CATSPERE: variants seen among roughly 807,000 people sequenced by gnomAD.
CATSPERE encodes catsper channel auxiliary subunit epsilon.
In CATSPERE, 93 loss-of-function variants were observed where a neutral mutation model predicts 114.1. The observed-to-expected ratio is 0.81, with a 90% confidence interval of 0.69 to 0.97. CATSPERE has a LOEUF of 0.97. Ranked by LOEUF, CATSPERE falls within the 50% of genes least tolerant of loss-of-function variation. The probability of loss-of-function intolerance (pLI) is 0.00; values close to 1 mark genes in which losing one functional copy is unlikely to be tolerated. For missense variants in CATSPERE, 1,058 were observed against 1,131.6 expected, an observed-to-expected ratio of 0.93 and a Z score of 0.93; for synonymous variants, 341 against 384.1, an observed-to-expected ratio of 0.89 and a Z score of 1.31.
chr1:244,457,100 TA>T (rs936104711), upstream of CATSPERE, among the ~76,000 whole-genome samples: 2 of 152,066 alleles, frequency 1.3e-5, no homozygotes, highest in African/African-American at 4.8e-5. Context: ...AGGGTGAATC[TA>T]AAAAAAATTC....
chr1:244,558,769 C>G (rs112708704), intron 9 of CATSPERE, among the ~76,000 whole-genome samples: 3 of 152,052 alleles, frequency 2.0e-5, no homozygotes, highest in Non-Finnish European at 1.5e-5. Context: ...ACTCCCCTCT[C>G]CTTCTCCTTC....
intron 8 of CATSPERE, among the ~76,000 whole-genome samples, chr1:244,528,581 A>G (rs1235548005): frequency 6.6e-6 from 1 of 152,086 alleles, no homozygotes; most frequent in Non-Finnish European, 1.5e-5. Context: ...ACAATGTATA[A>G]TAATCATATC....
chr1:244,603,090 T>C (rs1280093160), intron 17 of CATSPERE, among the ~76,000 whole-genome samples: 1 of 152,040 alleles, frequency 6.6e-6, no homozygotes, highest in African/African-American at 2.4e-5. Flanking sequence ...CTGGTTGTAG[T>C]GTGTCTGCCT....
intron 20 of CATSPERE, among the ~76,000 whole-genome samples, chr1:244,623,074 A>ATTTATTTATTTATTTATTT (rs1672612084): frequency 6.6e-6 from 1 of 150,968 alleles, no homozygotes; most frequent in Non-Finnish European, 1.5e-5. Flanking sequence ...TTATTTATTT[A>ATTTATTTATTTATTTATTT]TTTATTTATT....
Position 244,552,492 on chromosome 1 carries a change from G to A in CATSPERE, c.707G>A (p.Gly236Asp), listed in dbSNP as rs1572710281. The A allele has an allele frequency of 6.2e-6, 10 of 1,614,146 alleles. No homozygotes were observed. In the East Asian group the frequency reaches 2.0e-4, roughly 32 times the overall value. The change falls in exon 9 of 22, where the codon GGT becomes GAT. Residue 236 changes from glycine (G) to aspartate (D), a missense_variant. Physicochemically the swap from Gly to Asp is moderately conservative, Grantham distance 94 (BLOSUM62 -1). Around this residue, in one of 2 missense-constraint regions of CATSPERE, gnomAD observed 787 missense variants for 905.6 expected, o/e 0.87. Coordinates refer to ENST00000366534, the MANE Select transcript of CATSPERE (RefSeq NM_001130957.2). ...TATTTACCAATCTCCTCACCACGTG[G>A]TAGTCAATTAATGGCTTCCTGGGAT... ...PGYLPISSPR[G>D]SQLMASWDAC...
chr1:244,525,197 G>T (rs1010269610), intron 8 of CATSPERE, among the ~76,000 whole-genome samples: 2 of 150,742 alleles, frequency 1.3e-5, no homozygotes, highest in East Asian at 3.9e-4. Flanking sequence ...TAGGGACATG[G>T]ATGAAATTGG....
chr1:244,572,504 T>C lies in CATSPERE; in HGVS notation c.1682T>C (p.Ile561Thr), dbSNP rs1312868505. 1 of 1,614,108 alleles carries C rather than the reference T, an allele frequency of 6.2e-7. No individual in the cohort carries two copies. Among genetic ancestry groups the C allele is most frequent in the African/African-American group, 1.3e-5 (1 of 75,036 alleles). Residue 561 changes from isoleucine to threonine, a missense_variant, in exon 11 of 22, where the codon ATA becomes ACA. Around this residue, in one of 2 missense-constraint regions of CATSPERE, gnomAD observed 787 missense variants for 905.6 expected, o/e 0.87. Coordinates refer to ENST00000366534, the MANE Select transcript of CATSPERE (RefSeq NM_001130957.2). ...YFLYALDDGT[I>T]QIQDYPLHLE... ...CTGTATGCTTTGGATGATGGCACAA[T>C]ACAAATACAGGACTATCCCTTACAT...
At position 244,511,924 on chromosome 1, in the gene CATSPERE, C is replaced by T. The variant is rs147051689; in HGVS notation, c.430-6668C>T. Among the ~76,000 whole-genome samples, 7 of 152,234 alleles carry T rather than the reference C, an allele frequency of 4.6e-5. No homozygotes were observed. In the East Asian group the frequency reaches 1.4e-3, roughly 29 times the overall value. ...TCCACTGTTAATATGAGGAAGATTC[C>T]CTTACATGTGACTTGATGCTTTTCT... On this transcript the variant is annotated intron_variant, in intron 7 of 21. Coordinates refer to ENST00000366534, the MANE Select transcript of CATSPERE (RefSeq NM_001130957.2).
chr1:244,491,455 G>T (rs1672145548), intron 6 of CATSPERE, among the ~76,000 whole-genome samples: 2 of 151,650 alleles, frequency 1.3e-5, no homozygotes, highest in South Asian at 4.2e-4. Flanking sequence ...GTGTGTAGAG[G>T]GAAATTTATA....
intron 5 of CATSPERE, 56 bp from the exon 6 acceptor site, chr1:244,490,391 C>T (rs1233282997): frequency 6.0e-6 from 7 of 1,172,326 alleles, no homozygotes; most frequent in African/African-American, 3.1e-5. Context: ...GTAGAATATT[C>T]GACCTAATGT....
chr1:244,591,292 C>T (rs1481816251), intron 14 of CATSPERE, among the ~76,000 whole-genome samples: 2 of 152,124 alleles, frequency 1.3e-5, no homozygotes, highest in Non-Finnish European at 2.9e-5. Context: ...ACTCTCTTTG[C>T]GTTTTTCAAG....
At chr1:244,451,598 C>T (rs780890685), upstream of CATSPERE, 39 of 1,574,472 alleles carry the variant, frequency 2.5e-5, no homozygotes, top group South Asian at 4.5e-4. The surrounding 1 kb of genome is among the most constrained non-coding windows in gnomAD (Gnocchi z 6.6). Flanking sequence ...CCCGAGCTCC[C>T]GGGCCCGGCT....
intron 5 of CATSPERE, among the ~76,000 whole-genome samples, chr1:244,486,140 G>A (rs1670976233): frequency 6.6e-6 from 1 of 152,144 alleles, no homozygotes; most frequent in African/African-American, 2.4e-5. Context: ...AGAAAGCAGG[G>A]GGGAAATACT....
chr1:244,476,527 T>G (rs921116859), intron 2 of CATSPERE, among the ~76,000 whole-genome samples: 2 of 152,208 alleles, frequency 1.3e-5, no homozygotes, highest in African/African-American at 4.8e-5. Context: ...AATTTTTCTC[T>G]TTTTTCTTCT....
intron 5 of CATSPERE, among the ~76,000 whole-genome samples, chr1:244,482,545 TG>T (rs1310724669): frequency 6.6e-6 from 1 of 152,098 alleles, no homozygotes; most frequent in African/African-American, 2.4e-5. Context: ...AAAGCTACCG[TG>T]AGCTATGATT....
intron 20 of CATSPERE, among the ~76,000 whole-genome samples, chr1:244,621,681 T>C (rs1221284778): frequency 1.3e-5 from 2 of 151,970 alleles, no homozygotes; most frequent in Non-Finnish European, 2.9e-5. Context: ...ATACAAAATA[T>C]CTTAGCTTAA....
At chr1:244,612,255 G>A (rs1402567013) in intron 19 of CATSPERE, among the ~76,000 whole-genome samples, 2 of 152,102 alleles carry the variant, frequency 1.3e-5, no homozygotes, top group Admixed American at 6.5e-5. Context: ...TCATTATTAC[G>A]TTGTATCTTA....
intron 1 of CATSPERE, among the ~76,000 whole-genome samples, chr1:244,456,110 C>T (rs773230890): frequency 8.6e-6 from 1 of 116,208 alleles, no homozygotes; most frequent in Non-Finnish European, 1.6e-5. Flanking sequence ...AGATGAGAAT[C>T]CCATGGGGGA....
intron 20 of CATSPERE, among the ~76,000 whole-genome samples, chr1:244,624,014 T>C (rs1292414031): frequency 6.6e-6 from 1 of 151,830 alleles, no homozygotes. Flanking sequence ...CAGGCTGGAG[T>C]GCAGTGGCGC....
Sources: gnomAD v4.1 joint callset for allele counts (sites outside exome capture counted in the v4.1 genomes callset) on GRCh38, gnomAD v4.1.1 for gene constraint, gnomAD v4.1.1 regional missense constraint, Gnocchi (gnomAD v3.1) non-coding constraint, MANE v1.5 for transcripts, NCBI Gene and HGNC (gene_info 2026-07-23, HGNC 2026-07-21) for gene names.